ZNF18: variants seen among roughly 807,000 people sequenced by gnomAD.
The protein encoded by ZNF18 is zinc finger protein 18, also known as heart development-specific gene 1 protein.
A neutral mutation model predicts 58.1 loss-of-function variants in ZNF18; 42 were observed. That is an observed-to-expected ratio of 0.72 (90% confidence interval 0.56 to 0.93). The LOEUF (loss-of-function observed/expected upper bound fraction) is 0.93. ZNF18 is among the 40% of genes least tolerant of loss of function. The probability of loss-of-function intolerance (pLI) is 0.00; values close to 1 mark genes in which losing one functional copy is unlikely to be tolerated. For missense variants in ZNF18, 540 were observed against 644.2 expected (o/e 0.84, Z 1.75); for synonymous variants, 231 against 239.8 (o/e 0.96, Z 0.34).
At chr17:11,991,671 A>G (rs201560965) in intron 2 of ZNF18, among the ~76,000 whole-genome samples, 36,631 of 152,038 alleles carry the variant, frequency 0.24, 4,510 homozygotes, top group Non-Finnish European at 0.26. Flanking sequence ...AGGTGAAAGA[A>G]GAGTCTTTGT....
At chr17:11,992,952 G>A (rs1442157655) in intron 1 of ZNF18, 41 bp from the exon 2 acceptor site, 12 of 1,182,552 alleles carry the variant, frequency 1.0e-5, no homozygotes, top group Admixed American at 2.9e-5. Flanking sequence ...AGAGGAAGGG[G>A]ACACATTTTC....
the ZNF18 span, among the ~76,000 whole-genome samples, chr17:12,002,809 C>T: frequency 6.6e-6 from 1 of 152,112 alleles, no homozygotes; most frequent in Admixed American, 6.5e-5. Flanking sequence ...CAAAAATTCC[C>T]TGGAACTGAG....
At chr17:12,010,811 C>T in the ZNF18 span, 1 of 402,278 alleles carries the variant, frequency 2.5e-6, no homozygotes, top group Non-Finnish European at 4.6e-6. Flanking sequence ...ACGAAGTGTG[C>T]TTTTCTGGGC....
chr17:11,989,477 A>C (rs868453388), intron 4 of ZNF18, among the ~76,000 whole-genome samples: 1 of 152,350 alleles, frequency 6.6e-6, no homozygotes. Flanking sequence ...ACTATATTCC[A>C]TATGTTCAAG....
In ZNF18 at chr17:11,977,955, G is replaced by A. The variant is rs769112168; in HGVS notation, c.*2C>T. 49 of 1,552,078 alleles carry A rather than the reference G, an allele frequency of 3.2e-5. No individual in the cohort carries two copies. Among genetic ancestry groups the A allele is most frequent in the Admixed American group, 4.0e-5 (2 of 49,784 alleles). ...AATGGGGAAAGAGAGTTTGGTTACT[G>A]GCTATTGAAAGGGCTTCTTTCCTAA... On this transcript the variant is annotated 3_prime_UTR_variant, in exon 7 of 7. Coordinates refer to ENST00000580306, the MANE Select transcript of ZNF18 (RefSeq NM_001303281.2).
At chr17:11,987,106 GAC>G (rs1480507161) in intron 4 of ZNF18, among the ~76,000 whole-genome samples, 3 of 152,208 alleles carry the variant, frequency 2.0e-5, no homozygotes, top group Admixed American at 6.5e-5. Flanking sequence ...CTGAAAGACA[GAC>G]ACATGGGATT....
chr17:11,982,919 C>G (rs1165557025), intron 6 of ZNF18, among the ~76,000 whole-genome samples: 2 of 152,076 alleles, frequency 1.3e-5, no homozygotes, highest in Admixed American at 6.5e-5. Flanking sequence ...TCTAGATACT[C>G]TAACTTCTTG....
At chr17:11,983,192 A>C in intron 6 of ZNF18, 105 bp downstream of exon 6, 1 of 769,532 alleles carries the variant, frequency 1.3e-6, no homozygotes, top group Admixed American at 2.0e-5. Flanking sequence ...AACCAACGTA[A>C]TAGAATATTC....
At chr17:12,018,730 T>C in the ZNF18 span, among the ~76,000 whole-genome samples, 1 of 152,198 alleles carries the variant, frequency 6.6e-6, no homozygotes, top group Non-Finnish European at 1.5e-5. Flanking sequence ...AAGTGCTTTC[T>C]TGTTTTTGCC....
In ZNF18 at chr17:11,978,000, T is replaced by C; in HGVS notation, c.1607A>G (p.Asp536Gly). Residue 536 changes from aspartate (D) to glycine (G), a missense_variant, in exon 7 of 7, where the codon GAC becomes GGC. Asp to Gly is a moderately conservative substitution (Grantham distance 94, BLOSUM62 -1). Coordinates refer to ENST00000580306, the MANE Select transcript of ZNF18 (RefSeq NM_001303281.2). ...TCCTAAGTGGGATCTTTGATGTTTG[T>C]CAAGGCTCGAGCTCCAGCTGAAACT... ...GKSFSWSSSL[D>G]KHQRSHLGKK... 1 of 1,595,898 alleles carries C rather than the reference T, an allele frequency of 6.3e-7. No individual in the cohort carries two copies. The highest frequency in any genetic ancestry group is 8.5e-7 in the Non-Finnish European group (1 of 1,171,116).
chr17:12,013,229 C>T, the ZNF18 span, among the ~76,000 whole-genome samples: 4 of 152,074 alleles, frequency 2.6e-5, no homozygotes, highest in South Asian at 2.1e-4. Flanking sequence ...GGATTACAGG[C>T]GTGAGCCACT....
At chr17:12,008,216 T>C in the ZNF18 span, among the ~76,000 whole-genome samples, 5 of 152,320 alleles carry the variant, frequency 3.3e-5, no homozygotes, top group South Asian at 1.0e-3. Flanking sequence ...CTGAGATTGA[T>C]GTGGACCCTT....
rs778414929 is a variant in ZNF18 at position 11,977,967 on chromosome 17, G to C, written c.1640C>G (p.Pro547Arg). Residue 547 changes from proline to arginine, a missense_variant, in exon 7 of 7, where the codon CCC becomes CGC. By Grantham distance (103) the Pro-to-Arg change is moderately radical. Coordinates refer to ENST00000580306, the MANE Select transcript of ZNF18 (RefSeq NM_001303281.2). The part of the protein sequence containing the change: ...KHQRSHLGKK[P>R]FQ ...GAGTTTGGTTACTGGCTATTGAAAG[G>C]GCTTCTTTCCTAAGTGGGATCTTTG... 1.3e-6 allele frequency: 2 copies of C among 1,564,404 alleles called. No homozygotes were observed. Among genetic ancestry groups the C allele is most frequent in the East Asian group, 2.2e-5 (1 of 44,496 alleles).
intron 5 of ZNF18, 141 bp from the exon 6 acceptor site, chr17:11,983,548 G>T: frequency 1.6e-6 from 1 of 623,930 alleles, no homozygotes. Flanking sequence ...TTAGAACAGT[G>T]TGTGGAGCTT....
intron 6 of ZNF18, 87 bp from the exon 7 acceptor site, chr17:11,978,831 A>G: frequency 2.2e-6 from 1 of 464,964 alleles, no homozygotes; most frequent in East Asian, 4.1e-5. Flanking sequence ...ATCATAAAAC[A>G]TTCATTTTCT....
chr17:11,991,673 A>C (rs182172174), intron 2 of ZNF18, among the ~76,000 whole-genome samples: 36,613 of 152,022 alleles, frequency 0.24, 4,506 homozygotes, highest in Non-Finnish European at 0.26. Flanking sequence ...GTGAAAGAAG[A>C]GTCTTTGTTA....
chr17:12,014,035 A>C, the ZNF18 span, among the ~76,000 whole-genome samples: 1 of 152,226 alleles, frequency 6.6e-6, no homozygotes, highest in Admixed American at 6.5e-5. Context: ...GTTTATAAGA[A>C]ATATAATGTC....
intron 2 of ZNF18, 79 bp downstream of exon 2, chr17:11,992,364 C>G (rs551335536): frequency 6.6e-7 from 1 of 1,520,994 alleles, no homozygotes; most frequent in Non-Finnish European, 8.8e-7. Context: ...TAAGTGGTAT[C>G]AGAAAAAAGA....
At chr17:11,998,097 C>T (rs529545182), upstream of ZNF18, among the ~76,000 whole-genome samples, 3 of 152,188 alleles carry the variant, frequency 2.0e-5, no homozygotes, top group South Asian at 6.2e-4. Context: ...TGACTCTTCC[C>T]TTCTCCTTCC....
Sources: allele counts gnomAD v4.1 joint callset (sites outside exome capture counted in the v4.1 genomes callset), GRCh38; gene constraint gnomAD v4.1.1; transcripts MANE v1.5; gene names NCBI Gene and HGNC (gene_info 2026-07-23, HGNC 2026-07-21).